GRID2: variants seen among roughly 807,000 people sequenced by gnomAD.
The protein encoded by GRID2 is glutamate ionotropic receptor delta type subunit 2.
In GRID2, 33 loss-of-function variants were observed where a neutral mutation model predicts 114.8. The observed-to-expected ratio is 0.29, with a 90% CI of 0.22 to 0.38. GRID2 has a LOEUF of 0.38. GRID2 is among the 10% of genes least tolerant of loss of function. The pLI is 1.00. For missense variants in GRID2, 1,184 were observed against 1,257.7 expected (o/e 0.94, Z 0.89); for synonymous variants, 505 against 449.9 (o/e 1.12, Z -1.55).
intron 2 of GRID2, among the ~76,000 whole-genome samples, chr4:92,714,608 T>G (rs1735441067): frequency 6.6e-6 from 1 of 152,176 alleles, no homozygotes; most frequent in South Asian, 2.1e-4. Flanking sequence ...CCATACATCC[T>G]CTGAAATCTA....
At chr4:93,587,073 T>G (rs1157843868) in intron 13 of GRID2, among the ~76,000 whole-genome samples, 1 of 152,106 alleles carries the variant, frequency 6.6e-6, no homozygotes, top group East Asian at 1.9e-4. Flanking sequence ...GACTTAGATC[T>G]CTTCTCCTCT....
chr4:93,738,767 G>A (rs1337702189), intron 14 of GRID2, among the ~76,000 whole-genome samples: 1 of 151,926 alleles, frequency 6.6e-6, no homozygotes, highest in Non-Finnish European at 1.5e-5. Context: ...ATCTGGACAG[G>A]TAACAGATTA....
At chr4:92,472,991 A>G (rs1054458348) in intron 1 of GRID2, among the ~76,000 whole-genome samples, 1 of 152,034 alleles carries the variant, frequency 6.6e-6, no homozygotes, top group African/African-American at 2.4e-5. Context: ...CTAAATTTAC[A>G]AAGATTTTTT....
At chr4:92,337,829 T>G (rs1579201338) in intron 1 of GRID2, among the ~76,000 whole-genome samples, 2 of 152,284 alleles carry the variant, frequency 1.3e-5, no homozygotes, top group East Asian at 3.9e-4. Context: ...AAGAAGTCTT[T>G]CCTGAGCCAG....
At chr4:93,600,005 A>AAAAAGC (rs1441560017) in intron 13 of GRID2, among the ~76,000 whole-genome samples, 2 of 151,280 alleles carry the variant, frequency 1.3e-5, no homozygotes, top group African/African-American at 4.9e-5. Flanking sequence ...ACCATGCTGG[A>AAAAAGC]AAAAGCAACG....
intron 1 of GRID2, among the ~76,000 whole-genome samples, chr4:92,553,178 T>A (rs574662226): frequency 6.6e-6 from 1 of 152,336 alleles, no homozygotes; most frequent in African/African-American, 2.4e-5. Flanking sequence ...CAATTATAGC[T>A]TAATATCTAA....
chr4:92,356,581 T>C (rs1252073190), intron 1 of GRID2, among the ~76,000 whole-genome samples: 1 of 151,746 alleles, frequency 6.6e-6, no homozygotes, highest in African/African-American at 2.4e-5. Flanking sequence ...CTTGTGTGTA[T>C]GTGCAGTAAA....
At chr4:92,336,535 A>G (rs1017751753) in intron 1 of GRID2, among the ~76,000 whole-genome samples, 1 of 152,148 alleles carries the variant, frequency 6.6e-6, no homozygotes, top group Non-Finnish European at 1.5e-5. Context: ...TGCTGCAGTA[A>G]CCTCAAAACT....
At chr4:92,558,710 T>C (rs1192580451) in intron 1 of GRID2, among the ~76,000 whole-genome samples, 1 of 152,166 alleles carries the variant, frequency 6.6e-6, no homozygotes, top group African/African-American at 2.4e-5. Flanking sequence ...GTTAGGGTTA[T>C]CTATCTGTGA....
At chr4:92,738,799 G>A (rs1174510703) in intron 2 of GRID2, among the ~76,000 whole-genome samples, 2 of 151,950 alleles carry the variant, frequency 1.3e-5, no homozygotes, top group Non-Finnish European at 2.9e-5. Flanking sequence ...CTAATGGCAT[G>A]CACCACCATG....
intron 2 of GRID2, among the ~76,000 whole-genome samples, chr4:92,648,253 T>A (rs929566045): frequency 6.7e-6 from 1 of 149,820 alleles, no homozygotes; most frequent in Non-Finnish European, 1.5e-5. Context: ...TTGAATACAT[T>A]TAAATAAATG....
At chr4:92,373,850 T>G (rs1388550744) in intron 1 of GRID2, among the ~76,000 whole-genome samples, 1 of 152,074 alleles carries the variant, frequency 6.6e-6, no homozygotes, top group Non-Finnish European at 1.5e-5. Flanking sequence ...CTCCATTTTA[T>G]AAATGAGAAA....
chr4:92,990,393 A>G (rs1754816366), intron 2 of GRID2, among the ~76,000 whole-genome samples: 1 of 151,190 alleles, frequency 6.6e-6, no homozygotes, highest in Admixed American at 6.6e-5. Flanking sequence ...CCTGGGTTCA[A>G]GTGATTCTCC....
intron 14 of GRID2, among the ~76,000 whole-genome samples, chr4:93,700,158 C>T (rs533713922): frequency 6.6e-6 from 1 of 152,224 alleles, no homozygotes; most frequent in East Asian, 1.9e-4. Context: ...CATTGGGATA[C>T]TTTCAAATCT....
intron 2 of GRID2, among the ~76,000 whole-genome samples, chr4:92,845,473 G>A (rs1379551567): frequency 6.6e-6 from 1 of 152,130 alleles, no homozygotes; most frequent in Non-Finnish European, 1.5e-5. Flanking sequence ...TGACATTGGA[G>A]TGGGAGTTAT....
chr4:92,528,083 T>A (rs1725131990), intron 1 of GRID2, among the ~76,000 whole-genome samples: 1 of 152,020 alleles, frequency 6.6e-6, no homozygotes, highest in African/African-American at 2.4e-5. Flanking sequence ...TGGCCTTTTC[T>A]GGTAAGTTAG....
At chr4:93,350,575 A>C (rs923432527) in intron 8 of GRID2, among the ~76,000 whole-genome samples, 1 of 151,800 alleles carries the variant, frequency 6.6e-6, no homozygotes, top group Non-Finnish European at 1.5e-5. Context: ...GCAGGGAGCT[A>C]TTTTTTTTAA....
chr4:92,796,493 A>G (rs530363631), intron 2 of GRID2, among the ~76,000 whole-genome samples: 10 of 152,046 alleles, frequency 6.6e-5, no homozygotes, highest in African/African-American at 2.2e-4. Flanking sequence ...AGGTAGGGCA[A>G]TCCTGATCAT....
At chr4:93,612,013 T>A (rs1408485390) in intron 13 of GRID2, among the ~76,000 whole-genome samples, 5 of 151,598 alleles carry the variant, frequency 3.3e-5, no homozygotes, top group Admixed American at 2.0e-4. Flanking sequence ...ATTGGGTGCA[T>A]AAATATTTAG....
Sources: allele counts gnomAD v4.1 joint callset (sites outside exome capture counted in the v4.1 genomes callset), GRCh38; gene constraint gnomAD v4.1.1; transcripts MANE v1.5; gene names NCBI Gene and HGNC (gene_info 2026-07-23, HGNC 2026-07-21).